Variants in PAX6 observed in about 807,000 individuals in gnomAD.
PAX6 encodes paired box protein Pax-6.
In PAX6, 7 loss-of-function variants were observed where a neutral mutation model predicts 60.7. The observed-to-expected ratio is 0.12, with a 90% CI of 0.07 to 0.22. The LOEUF is 0.22. PAX6 is among the 10% of genes least tolerant of loss of function. The probability of loss-of-function intolerance (pLI) is 1.00; values close to 1 mark genes in which losing one functional copy is unlikely to be tolerated. For missense variants in PAX6, 355 were observed against 555.2 expected (o/e 0.64, Z 3.62); for synonymous variants, 208 against 201.2 (o/e 1.03, Z -0.29).
intron 8 of PAX6, among the ~76,000 whole-genome samples, chr11:31,796,113 A>T (rs1285546238): frequency 6.6e-6 from 1 of 152,216 alleles, no homozygotes; most frequent in Non-Finnish European, 1.5e-5. Context: ...TCCCCCATTT[A>T]AACAGGCGGA....
At chr11:31,817,363 C>CG (rs1957428004) in intron 1 of PAX6, among the ~76,000 whole-genome samples, 1 of 152,278 alleles carries the variant, frequency 6.6e-6, no homozygotes, top group Non-Finnish European at 1.5e-5. Context: ...GCCCGACCCG[C>CG]GGCAGGGTGT....
intron 8 of PAX6, among the ~76,000 whole-genome samples, chr11:31,800,167 G>A (rs1282176094): frequency 1.3e-5 from 2 of 152,022 alleles, no homozygotes; most frequent in African/African-American, 2.4e-5. Flanking sequence ...AAGGATAGTG[G>A]GGTGGTTTTA....
At chr11:31,802,163 G>A in intron 5 of PAX6, 2 of 513,816 alleles carry the variant, frequency 3.9e-6, no homozygotes, top group Non-Finnish European at 6.8e-6. Flanking sequence ...ATGTTTTAAA[G>A]AACAAAGGTA....
intron 4 of PAX6, chr11:31,805,253 G>C (rs553526351): frequency 6.6e-6 from 1 of 152,256 alleles, no homozygotes; most frequent in East Asian, 1.9e-4. Flanking sequence ...CTGCGGCTGG[G>C]GAGTCTGAGC....
rs566990924 is a variant in PAX6 at position 31,800,607 on chromosome 11, C to T, written c.565+84G>A. 5 of 1,511,516 alleles carry T rather than the reference C, an allele frequency of 3.3e-6. No homozygotes were observed. The South Asian group carries it at 3.4e-5, about 10-fold the overall frequency. 93.6% of individuals were successfully genotyped at this position (1,511,516 alleles called of 1,614,324 possible). On this transcript the variant is annotated intron_variant, in intron 8 of 13. Coordinates refer to ENST00000640368, the MANE Select transcript of PAX6 (RefSeq NM_001368894.2). ...ATGACATTCCCCAAGCATGGAAGCC[C>T]TGAGAGGAAATGGTTGGGAGAGTAG...
At chr11:31,797,201 GCCTT>G (rs1263681230) in intron 8 of PAX6, among the ~76,000 whole-genome samples, 1 of 152,068 alleles carries the variant, frequency 6.6e-6, no homozygotes, top group Non-Finnish European at 1.5e-5. Flanking sequence ...TCATGCCCAT[GCCTT>G]CCTAGGGGCC....
intron 1 of PAX6, chr11:31,816,712 C>T (rs1592676797): frequency 1.4e-6 from 1 of 693,594 alleles, no homozygotes; most frequent in Non-Finnish European, 2.6e-6. Context: ...GGCGCCACCG[C>T]TCGGAGTCGG....
chr11:31,806,202 C>T, intron 4 of PAX6, 200 bp downstream of exon 4: 1 of 547,098 alleles, frequency 1.8e-6, no homozygotes, highest in Non-Finnish European at 3.2e-6. Flanking sequence ...CCCTGCTTCT[C>T]CAGTATCGAG....
upstream of PAX6, chr11:31,812,204 G>A (rs1031965511): frequency 6.6e-6 from 1 of 151,972 alleles, no homozygotes; most frequent in South Asian, 2.1e-4. Flanking sequence ...CGCAGCGCCC[G>A]AGAGGAGGGG....
chr11:31,804,896 G>T (rs975968474), intron 4 of PAX6: 3 of 152,430 alleles, frequency 2.0e-5, no homozygotes, highest in Non-Finnish European at 4.4e-5. Flanking sequence ...CCCAGGAGAC[G>T]CCAGGGCCAG....
rs556305517 is a variant in PAX6, at chr11:31,816,736, C to T, written c.-317+1073G>A. 2.1e-5 allele frequency: 14 copies of T among 680,710 alleles called. No homozygotes were observed. In the East Asian group the frequency reaches 3.5e-4, roughly 17 times the overall value. The allele number at this position is 680,710 out of a possible 1,614,324, so 42.2% of individuals were successfully genotyped here. ...GCTCGGAGTCGGGCGGAGGTCCCAA[C>T]ACCTGTCACAGGTGACTGAGCTCCG... On this transcript the variant is annotated intron_variant, in intron 1 of 12. Coordinates refer to the PAX6 transcript ENST00000241001.
At chr11:31,815,528 G>A (rs551316039), upstream of PAX6, among the ~76,000 whole-genome samples, 25 of 152,250 alleles carry the variant, frequency 1.6e-4, no homozygotes, top group Non-Finnish European at 2.5e-4. Context: ...GGCTGGGGAG[G>A]GGGAGGGAGC....
chr11:31,815,730 G>T (rs1003265755), upstream of PAX6, among the ~76,000 whole-genome samples: 1 of 145,912 alleles, frequency 6.9e-6, no homozygotes, highest in Admixed American at 6.9e-5. Context: ...GGCAGCCAGG[G>T]ATCAAAAGCC....
In PAX6 at chr11:31,801,782, T is replaced by G; in HGVS notation, c.184-6A>C. On this transcript the variant is annotated splice_region_variant and splice_polypyrimidine_tract_variant and intron_variant, in intron 6 of 13. Transcript: ENST00000640368. ...CTCACACATCCGTTGGACACCTGCA[T>G]AGGGGAAGTGGACAGAAAACCACAT... 1 of 1,614,148 alleles carries G rather than the reference T, an allele frequency of 6.2e-7. No individual in the cohort carries two copies. The highest frequency in any genetic ancestry group is 8.5e-7 in the Non-Finnish European group (1 of 1,179,998).
chr11:31,801,926 A>G lies in PAX6; in HGVS notation c.142-14T>C. 6.2e-7 allele frequency: 1 copy of G among 1,609,432 alleles called. No individual in the cohort carries two copies. The highest frequency in any genetic ancestry group is 8.5e-7 in the Non-Finnish European group (1 of 1,175,844). ...ATCTGCATGGGTCTATAACACAAAA[A>G]TATACCTTCAATGGTATGAGAACTT... is the stretch of plus-strand genomic sequence containing the variant. On this transcript the variant is annotated splice_polypyrimidine_tract_variant and intron_variant, in intron 5 of 13. Transcript: ENST00000640368.
intron 1 of PAX6, chr11:31,816,483 T>A (rs1957380259): frequency 4.3e-6 from 3 of 693,880 alleles, no homozygotes; most frequent in Non-Finnish European, 5.3e-6. Flanking sequence ...ATAAACACGA[T>A]CTCCAATAAA....
At position 31,801,504 on chromosome 11, in the gene PAX6, A is replaced by G. The variant is rs1953829900; in HGVS notation, c.399+57T>C. 1.9e-6 allele frequency: 3 copies of G among 1,612,822 alleles called. No individual in the cohort carries two copies. The Admixed American group carries it at 5.0e-5, about 27-fold the overall frequency. On this transcript the variant is annotated intron_variant, in intron 7 of 13. Coordinates refer to ENST00000640368, the MANE Select transcript of PAX6 (RefSeq NM_001368894.2). Reference sequence around the variant, plus strand: ...TGGAGAGAGAGGGTGGGAGGAGGTAAAGAGGAGAGAGCATTGGGCTTAGGG... The same window carrying G: ...TGGAGAGAGAGGGTGGGAGGAGGTAGAGAGGAGAGAGCATTGGGCTTAGGG...
intron 5 of PAX6, 33 bp downstream of exon 5, chr11:31,802,671 G>T (rs764778030): frequency 3.1e-6 from 5 of 1,600,634 alleles, no homozygotes; most frequent in Non-Finnish European, 4.3e-6. Flanking sequence ...AGGGCCGCGG[G>T]GGCGGCGAGT....
chr11:31,790,870 G>A lies in PAX6; in HGVS notation c.1075-10C>T. On this transcript the variant is annotated splice_polypyrimidine_tract_variant and intron_variant, in intron 12 of 13. Coordinates refer to ENST00000640368, the MANE Select transcript of PAX6 (RefSeq NM_001368894.2). The stretch of plus-strand genomic sequence containing the variant: ...GGCTGGGGACTGGGGGCTGTGAGGA[G>A]AGAGGCAAACCTGTGGTTACTGAGG... 6.2e-7 allele frequency: 1 copy of A among 1,613,676 alleles called. No homozygotes were observed. Among genetic ancestry groups the A allele is most frequent in the Non-Finnish European group, 8.5e-7 (1 of 1,179,810 alleles).
Sources: gnomAD v4.1 joint callset for allele counts (sites outside exome capture counted in the v4.1 genomes callset) on GRCh38, gnomAD v4.1.1 for gene constraint, MANE v1.5 for transcripts, NCBI Gene and HGNC (gene_info 2026-07-23, HGNC 2026-07-21) for gene names.